The following DPP10 variants were observed in gnomAD, a reference collection of about 807,000 sequenced individuals.
DPP10 encodes the protein dipeptidyl peptidase like 10.
A neutral mutation model predicts 120.9 loss-of-function variants in DPP10; 33 were observed. The observed-to-expected ratio is 0.27, with a 90% CI of 0.21 to 0.37. DPP10 has a LOEUF of 0.37. Ranked by LOEUF, DPP10 falls within the 10% of genes least tolerant of loss-of-function variation. The pLI, the probability that DPP10 is intolerant of heterozygous loss-of-function variation, is 1.00. For missense variants in DPP10, 816 were observed against 942.8 expected (o/e 0.87, Z 1.76); for synonymous variants, 337 against 326.1 (o/e 1.03, Z -0.36).
intron 1 of DPP10, among the ~76,000 whole-genome samples, chr2:115,255,181 C>A (rs2058929792): frequency 6.6e-6 from 1 of 152,208 alleles, no homozygotes; most frequent in Admixed American, 6.5e-5. Context: ...GTTCCCAAAT[C>A]TCAACTTTTG....
chr2:114,890,001 GAA>G (rs1417629778), intron 1 of DPP10, among the ~76,000 whole-genome samples: 2 of 152,186 alleles, frequency 1.3e-5, no homozygotes, highest in Non-Finnish European at 2.9e-5. Flanking sequence ...CTACTGTGTC[GAA>G]ATTTGTAGCA....
At chr2:114,501,719 G>A (rs1254493536) in intron 1 of DPP10, among the ~76,000 whole-genome samples, 1 of 152,050 alleles carries the variant, frequency 6.6e-6, no homozygotes, top group African/African-American at 2.4e-5. Context: ...TCCTGCTTAT[G>A]GTTTTGGTGC....
chr2:114,759,905 GAAATA>G (rs956744597), intron 1 of DPP10, among the ~76,000 whole-genome samples: 12 of 152,098 alleles, frequency 7.9e-5, no homozygotes, highest in African/African-American at 1.4e-4. Flanking sequence ...GGACAAATTT[GAAATA>G]AAATAAAATA....
chr2:114,453,762 A>G (rs546338547), intron 1 of DPP10, among the ~76,000 whole-genome samples: 1 of 152,328 alleles, frequency 6.6e-6, no homozygotes, highest in South Asian at 2.1e-4. Flanking sequence ...TTTGTTTGCT[A>G]TATTCACAAT....
At chr2:114,713,969 A>G (rs1235812832) in intron 1 of DPP10, among the ~76,000 whole-genome samples, 1 of 151,244 alleles carries the variant, frequency 6.6e-6, no homozygotes, top group African/African-American at 2.4e-5. Flanking sequence ...TGGGCTGCAG[A>G]GAGAATCCGT....
chr2:115,509,705 A>T (rs111853472), intron 4 of DPP10, among the ~76,000 whole-genome samples: 1 of 152,032 alleles, frequency 6.6e-6, no homozygotes, highest in Non-Finnish European at 1.5e-5. Context: ...ACAAAACAAA[A>T]CAAAACAAAG....
At chr2:114,492,727 TCA>T (rs1477348217) in intron 1 of DPP10, among the ~76,000 whole-genome samples, 5 of 152,214 alleles carry the variant, frequency 3.3e-5, no homozygotes, top group Non-Finnish European at 5.9e-5. Flanking sequence ...TGTTCTTGGC[TCA>T]GTCAGCAGCA....
intron 1 of DPP10, among the ~76,000 whole-genome samples, chr2:114,694,525 G>A (rs1339164067): frequency 6.6e-6 from 1 of 151,884 alleles, no homozygotes; most frequent in Non-Finnish European, 1.5e-5. Flanking sequence ...TTGCAAATTA[G>A]GACAAAATTA....
At chr2:114,948,773 T>C (rs1431429955) in intron 1 of DPP10, among the ~76,000 whole-genome samples, 1 of 152,058 alleles carries the variant, frequency 6.6e-6, no homozygotes, top group East Asian at 1.9e-4. Flanking sequence ...GACTGGGTAA[T>C]TTAGAAAGAA....
chr2:115,842,105 A>C, intron 25 of DPP10, 106 bp from the exon 26 acceptor site: 1 of 1,181,800 alleles, frequency 8.5e-7, no homozygotes, highest in Non-Finnish European at 1.1e-6. Context: ...GATTTTGGTC[A>C]GATATTATTA....
At chr2:115,610,865 C>T (rs2084049927) in intron 5 of DPP10, among the ~76,000 whole-genome samples, 1 of 152,054 alleles carries the variant, frequency 6.6e-6, no homozygotes, top group African/African-American at 2.4e-5. Flanking sequence ...AATCAGTAAA[C>T]AATAGTGTCC....
chr2:115,327,103 A>G (rs2062410830), intron 2 of DPP10, among the ~76,000 whole-genome samples: 1 of 151,952 alleles, frequency 6.6e-6, no homozygotes, highest in African/African-American at 2.4e-5. Flanking sequence ...TTAACTATAT[A>G]TTTTCTATGT....
At chr2:115,680,747 AAC>A (rs1451356475) in intron 5 of DPP10, among the ~76,000 whole-genome samples, 1 of 151,966 alleles carries the variant, frequency 6.6e-6, no homozygotes, top group Admixed American at 6.5e-5. Flanking sequence ...ATCTGTGGAA[AAC>A]ACACAAAATG....
intron 1 of DPP10, among the ~76,000 whole-genome samples, chr2:115,034,125 G>C (rs1559018043): frequency 6.6e-6 from 1 of 151,710 alleles, no homozygotes; most frequent in South Asian, 2.1e-4. Context: ...TTGATCTTTT[G>C]ACCTCGTGAT....
At chr2:114,486,050 C>T (rs1200612865) in intron 1 of DPP10, among the ~76,000 whole-genome samples, 2 of 152,136 alleles carry the variant, frequency 1.3e-5, no homozygotes, top group African/African-American at 4.8e-5. Flanking sequence ...GTTAGTGCCA[C>T]ATTCAGTCAC....
At chr2:114,674,849 A>T (rs1485634397) in intron 1 of DPP10, among the ~76,000 whole-genome samples, 1 of 152,230 alleles carries the variant, frequency 6.6e-6, no homozygotes, top group African/African-American at 2.4e-5. Context: ...GGAACTAAAA[A>T]TTACCAAAAT....
chr2:114,761,109 G>A (rs188959921), intron 1 of DPP10, among the ~76,000 whole-genome samples: 13 of 152,224 alleles, frequency 8.5e-5, no homozygotes, highest in East Asian at 3.9e-4. Context: ...GCCCAATGTC[G>A]TATAACTAGC....
intron 1 of DPP10, among the ~76,000 whole-genome samples, chr2:114,965,988 G>GAAAAA (rs986483217): frequency 1.0e-5 from 1 of 99,984 alleles, no homozygotes; most frequent in African/African-American, 3.7e-5. Flanking sequence ...AAAAAAAAAA[G>GAAAAA]AAAAAAAAAG....
chr2:115,815,634 A>T (rs1687140965), intron 20 of DPP10, 41 bp from the exon 21 acceptor site: 1 of 1,535,082 alleles, frequency 6.5e-7, no homozygotes, highest in South Asian at 1.2e-5. Context: ...TTTGCATTTA[A>T]CTCACAAAGA....
Sources: allele counts gnomAD v4.1 joint callset (sites outside exome capture counted in the v4.1 genomes callset), GRCh38; gene constraint gnomAD v4.1.1; transcripts MANE v1.5; gene names NCBI Gene and HGNC (gene_info 2026-07-23, HGNC 2026-07-21).